The following TMEM74 variants were observed in gnomAD, a reference collection of about 807,000 sequenced individuals.
The protein encoded by TMEM74 is transmembrane protein 74.
A neutral mutation model predicts 18.1 loss-of-function variants in TMEM74; 13 were observed. That is an observed-to-expected ratio of 0.72 (90% CI 0.47 to 1.14). TMEM74 has a LOEUF of 1.14. Among genes scored for constraint, TMEM74 ranks in the 50% most tolerant of loss-of-function variants. TMEM74 has a pLI of 0.00. For synonymous variants in TMEM74, 159 were observed against 146.6 expected, an observed-to-expected ratio of 1.08 and a Z score of -0.61; for missense variants, 372 against 375.9, an observed-to-expected ratio of 0.99 and a Z score of 0.09.
intron 1 of TMEM74, among the ~76,000 whole-genome samples, chr8:108,716,185 C>G (rs185684034): frequency 5.3e-5 from 8 of 152,120 alleles, no homozygotes; most frequent in African/African-American, 1.9e-4. Context: ...ACATTTCAAA[C>G]TTTTACTCCA....
intron 1 of TMEM74, among the ~76,000 whole-genome samples, chr8:108,735,278 G>T (rs1435836646): frequency 1.3e-5 from 2 of 152,094 alleles, no homozygotes; most frequent in African/African-American, 4.8e-5. Flanking sequence ...TCTCAGATAT[G>T]TGAAACCATC....
At position 108,619,297 on chromosome 8, in the gene TMEM74, A is replaced by T. The variant is rs921843508; in HGVS notation, n.265-10471T>A. ...TTGAGTAATAATTTTTAAAAGTCCA[A>T]GAATAAGCAGAGTAAGAAGTTCAGT... On this transcript the variant is annotated intron_variant and non_coding_transcript_variant, in intron 2 of 3. Coordinates refer to the TMEM74 transcript ENST00000518838. Among the ~76,000 whole-genome samples, 6 of 152,322 alleles carry T rather than the reference A, an allele frequency of 3.9e-5. No homozygotes were observed. The East Asian group carries it at 1.2e-3, about 29-fold the overall frequency.
chr8:108,611,083 C>A (rs376040829), intron 2 of TMEM74, among the ~76,000 whole-genome samples: 115 of 152,230 alleles, frequency 7.6e-4, no homozygotes, highest in African/African-American at 2.3e-3. Context: ...AGTCTCTGAA[C>A]AACTATTATC....
intron 1 of TMEM74, among the ~76,000 whole-genome samples, chr8:108,735,445 G>A (rs1297966784): frequency 1.3e-5 from 2 of 152,018 alleles, no homozygotes; most frequent in Non-Finnish European, 2.9e-5. Context: ...ACTTTTATAT[G>A]AGTAGAATCA....
chr8:108,678,303 T>C (rs1223175335), intron 1 of TMEM74, among the ~76,000 whole-genome samples: 1 of 152,202 alleles, frequency 6.6e-6, no homozygotes, highest in Non-Finnish European at 1.5e-5. Context: ...TTTAGTTTTG[T>C]ATTAGAATAT....
chr8:108,620,229 A>C (rs1812426058), intron 2 of TMEM74, among the ~76,000 whole-genome samples: 2 of 152,152 alleles, frequency 1.3e-5, no homozygotes, highest in Admixed American at 6.6e-5. Context: ...ACCTTAGTTA[A>C]CTTGAAGAAT....
chr8:108,752,722 A>T (rs1259376814), intron 1 of TMEM74, among the ~76,000 whole-genome samples: 1 of 152,110 alleles, frequency 6.6e-6, no homozygotes, highest in Non-Finnish European at 1.5e-5. Context: ...CATATTCTTC[A>T]ACTTGTTCAC....
intron 1 of TMEM74, among the ~76,000 whole-genome samples, chr8:108,713,136 C>G (rs1813489876): frequency 6.6e-6 from 1 of 152,144 alleles, no homozygotes; most frequent in African/African-American, 2.4e-5. Flanking sequence ...TAGATTTGAA[C>G]ATCTATTTGG....
At chr8:108,728,620 A>C (rs183228647) in intron 1 of TMEM74, among the ~76,000 whole-genome samples, 1 of 152,322 alleles carries the variant, frequency 6.6e-6, no homozygotes, top group African/African-American at 2.4e-5. Flanking sequence ...GTATAACTAT[A>C]TTCAGGAAGG....
intron 1 of TMEM74, among the ~76,000 whole-genome samples, chr8:108,666,438 A>G (rs1304794909): frequency 6.6e-6 from 1 of 152,166 alleles, no homozygotes; most frequent in East Asian, 1.9e-4. Context: ...GTATGGTTTG[A>G]ATATTAGTTT....
At chr8:108,618,392 C>G (rs1426051129) in intron 2 of TMEM74, among the ~76,000 whole-genome samples, 4 of 152,134 alleles carry the variant, frequency 2.6e-5, no homozygotes, top group Admixed American at 6.6e-5. Flanking sequence ...TCAAACTTCA[C>G]TGTAAATGGA....
chr8:108,661,612 T>C (rs905318004), intron 1 of TMEM74, among the ~76,000 whole-genome samples: 1 of 152,058 alleles, frequency 6.6e-6, no homozygotes, highest in African/African-American at 2.4e-5. Context: ...GGTTCATATG[T>C]CTATGAAACC....
In TMEM74 at chr8:108,780,502, C is replaced by G. The variant is rs1209272376; in HGVS notation, c.*3679G>C. ...ACTCATTTATCAAGATTAAGTCACC[C>G]CTTATACTGGGGGGACTGAGGTAAA... On this transcript the variant is annotated 3_prime_UTR_variant, in exon 2 of 2. Coordinates refer to ENST00000297459, the MANE Select transcript of TMEM74 (RefSeq NM_153015.3). Among the ~76,000 whole-genome samples, 1 of 152,070 alleles carries G rather than the reference C, an allele frequency of 6.6e-6. No individual in the cohort carries two copies.
At chr8:108,691,277 T>C (rs767962159) in intron 1 of TMEM74, among the ~76,000 whole-genome samples, 9 of 152,190 alleles carry the variant, frequency 5.9e-5, no homozygotes, top group African/African-American at 1.7e-4. Context: ...CTGCCCCGTA[T>C]GATGAAAGTC....
chr8:108,685,915 A>G (rs749119741), intron 1 of TMEM74, among the ~76,000 whole-genome samples: 1 of 152,254 alleles, frequency 6.6e-6, no homozygotes, highest in Non-Finnish European at 1.5e-5. Flanking sequence ...AAGCAGAAGA[A>G]TGTGTAAGGT....
intron 1 of TMEM74, among the ~76,000 whole-genome samples, chr8:108,656,251 T>G (rs1405934446): frequency 6.6e-6 from 1 of 152,102 alleles, no homozygotes; most frequent in African/African-American, 2.4e-5. Context: ...TATGGAAATC[T>G]TAGTGGTAAA....
chr8:108,627,249 A>T (rs1812502862), intron 2 of TMEM74, among the ~76,000 whole-genome samples: 1 of 152,014 alleles, frequency 6.6e-6, no homozygotes, highest in Non-Finnish European at 1.5e-5. Context: ...GGTCCCTTGA[A>T]TAAAGCAAGC....
chr8:108,624,931 T>C (rs908370848), intron 2 of TMEM74, among the ~76,000 whole-genome samples: 3 of 152,052 alleles, frequency 2.0e-5, no homozygotes, highest in Admixed American at 1.3e-4. Context: ...ATAGAGATAA[T>C]GTATTAGCTA....
intron 1 of TMEM74, among the ~76,000 whole-genome samples, chr8:108,677,066 C>A (rs753503795): frequency 6.6e-6 from 1 of 152,218 alleles, no homozygotes; most frequent in Non-Finnish European, 1.5e-5. Context: ...TAACCTTCAG[C>A]TGTAAAATAC....
Sources: gnomAD v4.1 joint callset for allele counts (sites outside exome capture counted in the v4.1 genomes callset) on GRCh38, gnomAD v4.1.1 for gene constraint, MANE v1.5 for transcripts, NCBI Gene and HGNC (gene_info 2026-07-23, HGNC 2026-07-21) for gene names.